The following OXR1 variants were observed in gnomAD, a reference collection of about 807,000 sequenced individuals.
The protein encoded by OXR1 is oxidation resistance protein 1.
OXR1 carries 41 observed loss-of-function variants against 104.6 expected under a neutral mutation model. The observed-to-expected ratio is 0.39, with a 90% CI of 0.31 to 0.51. OXR1 has a LOEUF of 0.51. OXR1 is among the 20% of genes least tolerant of loss of function. The pLI is 0.77. For synonymous variants in OXR1, 348 were observed against 348.4 expected (o/e 1.00, Z 0.01); for missense variants, 955 against 1,031.9 (o/e 0.93, Z 1.02).
intron 2 of OXR1, among the ~76,000 whole-genome samples, chr8:106,377,639 G>C (rs1310202284): frequency 1.3e-5 from 2 of 152,170 alleles, no homozygotes; most frequent in Non-Finnish European, 2.9e-5. Context: ...ATATTTCAGA[G>C]GGATATACAG....
intron 7 of OXR1, chr8:106,697,987 C>T: frequency 6.2e-7 from 1 of 1,613,050 alleles, no homozygotes; most frequent in Non-Finnish European, 8.5e-7. Context: ...CTGGCTCAGG[C>T]CATAATGCAG....
At chr8:106,481,812 T>G (rs922650965) in intron 2 of OXR1, among the ~76,000 whole-genome samples, 1 of 152,084 alleles carries the variant, frequency 6.6e-6, no homozygotes, top group African/African-American at 2.4e-5. Flanking sequence ...AAATTGTCCA[T>G]TAATTTTTAT....
At chr8:106,643,107 G>A (rs907959983) in intron 3 of OXR1, among the ~76,000 whole-genome samples, 2 of 152,172 alleles carry the variant, frequency 1.3e-5, no homozygotes, top group Admixed American at 1.3e-4. Flanking sequence ...GGTTGACTCA[G>A]TAATTAGGGA....
intron 2 of OXR1, among the ~76,000 whole-genome samples, chr8:106,441,427 A>G (rs1023577173): frequency 1.3e-5 from 2 of 152,206 alleles, no homozygotes; most frequent in South Asian, 4.2e-4. Context: ...GTGAAATTTA[A>G]AATAGTTTTT....
At chr8:106,370,010 T>C (rs934930181) in intron 2 of OXR1, among the ~76,000 whole-genome samples, 4 of 152,246 alleles carry the variant, frequency 2.6e-5, no homozygotes, top group Admixed American at 2.6e-4. Flanking sequence ...TTTCACGACA[T>C]TGATTCTTCC....
At chr8:106,393,196 T>A (rs1040934012) in intron 2 of OXR1, among the ~76,000 whole-genome samples, 5 of 152,180 alleles carry the variant, frequency 3.3e-5, no homozygotes, top group African/African-American at 1.2e-4. Flanking sequence ...AAAGAGAAAT[T>A]AGTAGAAGCA....
Position 106,692,833 on chromosome 8 carries a change from G to A in OXR1, c.631G>A (p.Glu211Lys). ...TTCTGAGGAGGAGGAAGCATTTACT[G>A]AGAAATTTCTTAAAATTAATTGCAA... ...STSEEEEAFTEKFLKINCKYI... is the reference protein window; with the variant it reads ...STSEEEEAFTKKFLKINCKYI... The change falls in exon 7 of 17, where the codon GAG becomes AAG. Residue 211 changes from glutamate (E) to lysine (K), a missense_variant. By Grantham distance (56) the Glu-to-Lys change is moderately conservative. Around this residue, in one of 2 missense-constraint regions of OXR1, gnomAD observed 849 missense variants for 852.9 expected, o/e 1.00. Coordinates refer to ENST00000517566, the MANE Select transcript of OXR1 (RefSeq NM_001198533.2). 1.2e-6 allele frequency: 2 copies of A among 1,606,276 alleles called. No homozygotes were observed.
chr8:106,731,539 A>G (rs908203003), intron 11 of OXR1, among the ~76,000 whole-genome samples: 3 of 152,152 alleles, frequency 2.0e-5, no homozygotes, highest in Non-Finnish European at 2.9e-5. Context: ...TAGGAGATCC[A>G]TAGTTTTGTG....
intron 2 of OXR1, among the ~76,000 whole-genome samples, chr8:106,462,374 T>C (rs1820959739): frequency 6.6e-6 from 1 of 152,212 alleles, no homozygotes; most frequent in South Asian, 2.1e-4. Context: ...TCTTTCTGCA[T>C]TGAATATGTT....
Position 106,563,044 on chromosome 8 carries a change from G to A in OXR1, c.220+43905G>A, listed in dbSNP as rs79395493. On this transcript the variant is annotated intron_variant, in intron 3 of 16. Transcript: ENST00000517566. ...GCCAAAATGTAAAGACCATTGACAC[G>A]ACAAAGAAACTGCAGCAACTAATGG... Among the ~76,000 whole-genome samples the A allele has an allele frequency of 3.5e-3, 525 of 152,130 alleles. 5 individuals are homozygous for A. The highest frequency in any genetic ancestry group is 0.011 in the African/African-American group (469 of 41,502).
Position 106,291,068 on chromosome 8 carries a change from A to G in OXR1, c.-139+20701A>G, listed in dbSNP as rs138660820. Among the ~76,000 whole-genome samples, 47 of 152,308 alleles carry G rather than the reference A, an allele frequency of 3.1e-4. No individual in the cohort carries two copies. The East Asian group carries it at 8.7e-3, about 28-fold the overall frequency. On this transcript the variant is annotated intron_variant, in intron 1 of 16. Coordinates refer to ENST00000517566, the MANE Select transcript of OXR1 (RefSeq NM_001198533.2). The stretch of plus-strand genomic sequence containing the variant: ...TAGGTGCCCATTAGTGGTGGATTGT[A>G]TACAGAAATTATGGTACATATACAT...
intron 2 of OXR1, among the ~76,000 whole-genome samples, chr8:106,408,696 C>T (rs913397105): frequency 2.0e-5 from 3 of 152,166 alleles, no homozygotes; most frequent in Non-Finnish European, 4.4e-5. Flanking sequence ...GCAAGATGCA[C>T]GTGGGTGTAA....
At chr8:106,303,042 C>T (rs1348039847) in intron 1 of OXR1, among the ~76,000 whole-genome samples, 7 of 151,536 alleles carry the variant, frequency 4.6e-5, no homozygotes, top group Admixed American at 2.6e-4. Context: ...CGTGAGCCAG[C>T]GCACCTGGCC....
chr8:106,572,648 T>A (rs1586830205), intron 3 of OXR1, among the ~76,000 whole-genome samples: 1 of 151,370 alleles, frequency 6.6e-6, no homozygotes, highest in Non-Finnish European at 1.5e-5. Context: ...TCAGCCAAGA[T>A]TTTTTTTGCT....
chr8:106,548,086 A>G (rs1431919108), intron 3 of OXR1, among the ~76,000 whole-genome samples: 2 of 152,172 alleles, frequency 1.3e-5, no homozygotes, highest in Non-Finnish European at 2.9e-5. Context: ...CTCACCACCA[A>G]TGCACAACAG....
At chr8:106,347,913 G>A (rs1350377454) in intron 1 of OXR1, among the ~76,000 whole-genome samples, 2 of 152,054 alleles carry the variant, frequency 1.3e-5, no homozygotes, top group Admixed American at 6.6e-5. Flanking sequence ...TAGGTAAACC[G>A]TAACATGAGT....
chr8:106,429,760 A>T (rs1230719538), intron 2 of OXR1, among the ~76,000 whole-genome samples: 4 of 149,362 alleles, frequency 2.7e-5, no homozygotes, highest in Non-Finnish European at 4.5e-5. Context: ...TACAAATGTT[A>T]TTTTTTTTTT....
At chr8:106,471,509 A>C (rs1821490944) in intron 2 of OXR1, among the ~76,000 whole-genome samples, 1 of 151,704 alleles carries the variant, frequency 6.6e-6, no homozygotes, top group Non-Finnish European at 1.5e-5. Flanking sequence ...AAGAACTTTC[A>C]CATTAATCTT....
intron 2 of OXR1, among the ~76,000 whole-genome samples, chr8:106,421,659 C>G (rs924430179): frequency 6.6e-6 from 1 of 152,062 alleles, no homozygotes; most frequent in Non-Finnish European, 1.5e-5. Flanking sequence ...GTTATGTTCT[C>G]ATGGTGATCT....
Sources: allele counts gnomAD v4.1 joint callset (sites outside exome capture counted in the v4.1 genomes callset), GRCh38; gene constraint gnomAD v4.1.1; regional missense constraint gnomAD v4.1.1; transcripts MANE v1.5; gene names NCBI Gene and HGNC (gene_info 2026-07-23, HGNC 2026-07-21).